ADGRG3: variants seen among roughly 807,000 people sequenced by gnomAD.
ADGRG3 encodes the protein G protein-coupled receptor 97.
In ADGRG3, 39 loss-of-function variants were observed where a neutral mutation model predicts 54.3. The observed-to-expected ratio is 0.72, with a 90% CI of 0.56 to 0.94. The LOEUF (loss-of-function observed/expected upper bound fraction) is 0.94, where lower values mean the gene tolerates loss of function less well. Among genes scored for constraint, ADGRG3 ranks in the 40% least tolerant of loss-of-function variants. The pLI is 0.00. For synonymous variants in ADGRG3, 312 were observed against 290.0 expected, an observed-to-expected ratio of 1.08 and a Z score of -0.77; for missense variants, 654 against 694.6, an observed-to-expected ratio of 0.94 and a Z score of 0.66.
chr16:57,688,032 G>T (rs2048507226), intron 11 of ADGRG3, among the ~76,000 whole-genome samples: 1 of 152,152 alleles, frequency 6.6e-6, no homozygotes, highest in South Asian at 2.1e-4. Context: ...TTGCTGGAGT[G>T]CCTCCCATAA....
intron 8 of ADGRG3, among the ~76,000 whole-genome samples, chr16:57,681,970 C>G (rs80137041): frequency 0.019 from 2,825 of 152,298 alleles, 137 homozygotes; most frequent in East Asian, 0.18. Flanking sequence ...ACTGGTCTAA[C>G]TTGGACCATG....
chr16:57,672,507 CT>C (rs1443434577), intron 1 of ADGRG3, among the ~76,000 whole-genome samples: 2 of 152,180 alleles, frequency 1.3e-5, no homozygotes, highest in Non-Finnish European at 2.9e-5. Context: ...TATGTATGTC[CT>C]TTATCTCTAA....
At chr16:57,685,518 C>A in intron 10 of ADGRG3, 125 bp from the exon 11 acceptor site, 1 of 907,002 alleles carries the variant, frequency 1.1e-6, no homozygotes, top group South Asian at 1.5e-5. Context: ...GCGGGAGAGC[C>A]AGGGATTGAT....
chr16:57,680,710 G>T, intron 8 of ADGRG3, 93 bp downstream of exon 8: 1 of 842,128 alleles, frequency 1.2e-6, no homozygotes, highest in South Asian at 1.4e-5. Flanking sequence ...TGCAGCCTCT[G>T]ACCGTTGTCC....
chr16:57,674,004 A>G (rs2048212631), intron 2 of ADGRG3, among the ~76,000 whole-genome samples: 1 of 152,194 alleles, frequency 6.6e-6, no homozygotes, highest in Non-Finnish European at 1.5e-5. Flanking sequence ...ATAGGACTGG[A>G]AATATAAGCA....
rs1478330115 is a variant in ADGRG3 at position 57,688,352 on chromosome 16, G to C, written c.1541G>C (p.Gly514Ala). Residue 514 changes from glycine (G) to alanine (A), a missense_variant and splice_region_variant, in exon 12 of 12, where the codon GGT becomes GCT. Transcript: ENST00000333493. ...YIFALFNSLQ[G>A]VFICCWFTIL... Reference sequence around the variant, plus strand: ...CACCGAGGCCTCTCCTTCCTAACAGGTGTCTTCATCTGCTGCTGGTTCACC... The same window carrying C: ...CACCGAGGCCTCTCCTTCCTAACAGCTGTCTTCATCTGCTGCTGGTTCACC... 1 of 1,601,948 alleles carries C rather than the reference G, an allele frequency of 6.2e-7. No homozygotes were observed. Among genetic ancestry groups the C allele is most frequent in the East Asian group, 2.2e-5 (1 of 44,816 alleles).
At chr16:57,675,401 G>A (rs1253783060) in intron 2 of ADGRG3, among the ~76,000 whole-genome samples, 1 of 152,162 alleles carries the variant, frequency 6.6e-6, no homozygotes, top group Non-Finnish European at 1.5e-5. Context: ...GAGGCAAGCG[G>A]ATCGCTTGAG....
At chr16:57,687,550 C>A (rs991807251) in intron 11 of ADGRG3, among the ~76,000 whole-genome samples, 1 of 152,176 alleles carries the variant, frequency 6.6e-6, no homozygotes, top group Non-Finnish European at 1.5e-5. Flanking sequence ...CTGTGCCTGG[C>A]CTGCCAGATT....
At chr16:57,678,122 G>T in intron 3 of ADGRG3, 48 bp from the exon 4 acceptor site, 3 of 1,599,484 alleles carry the variant, frequency 1.9e-6, no homozygotes, top group Non-Finnish European at 2.6e-6. Context: ...GGCAGGACTC[G>T]TGTTGGGGGG....
At chr16:57,670,654 G>A (rs1339074711) in intron 1 of ADGRG3, among the ~76,000 whole-genome samples, 2 of 151,904 alleles carry the variant, frequency 1.3e-5, no homozygotes, top group East Asian at 1.9e-4. Context: ...ATTAAACAAT[G>A]CATCATAAAT....
chr16:57,687,526 A>G (rs1455633342), intron 11 of ADGRG3, among the ~76,000 whole-genome samples: 2 of 152,016 alleles, frequency 1.3e-5, no homozygotes, highest in Non-Finnish European at 2.9e-5. Context: ...TGCTGGGATT[A>G]CAGGCGTGAG....
At chr16:57,669,430 G>A (rs1366721394) in intron 1 of ADGRG3, among the ~76,000 whole-genome samples, 2 of 152,214 alleles carry the variant, frequency 1.3e-5, no homozygotes, top group African/African-American at 4.8e-5. Flanking sequence ...CCACCAGGCA[G>A]CCCTTGATAG....
chr16:57,679,389 A>G (rs1344924220), intron 5 of ADGRG3, 78 bp downstream of exon 5: 1 of 1,467,486 alleles, frequency 6.8e-7, no homozygotes, highest in Admixed American at 1.7e-5. Context: ...TGGGCCCTGC[A>G]TGGGACACTA....
At chr16:57,682,378 C>G (rs2048389968) in intron 8 of ADGRG3, 2 of 583,444 alleles carry the variant, frequency 3.4e-6, no homozygotes, top group South Asian at 1.5e-4. Flanking sequence ...CTCCACGTGC[C>G]TCTGTGTCAG....
intron 2 of ADGRG3, among the ~76,000 whole-genome samples, chr16:57,673,942 T>C (rs908638477): frequency 6.6e-6 from 1 of 152,022 alleles, no homozygotes. Context: ...ACTGTAACAA[T>C]GTAAACCGCG....
chr16:57,682,534 C>T, intron 8 of ADGRG3: 1 of 985,432 alleles, frequency 1.0e-6, no homozygotes, highest in Non-Finnish European at 1.2e-6. Flanking sequence ...GTGTGACTTG[C>T]CAGCTGGCCG....
intron 3 of ADGRG3, among the ~76,000 whole-genome samples, chr16:57,677,088 C>A (rs182904279): frequency 2.0e-5 from 3 of 152,184 alleles, no homozygotes; most frequent in Non-Finnish European, 4.4e-5. Flanking sequence ...GCAGCTGAGC[C>A]CTCTGCAGGG....
intron 1 of ADGRG3, among the ~76,000 whole-genome samples, chr16:57,672,496 C>A (rs2048180713): frequency 6.6e-6 from 1 of 152,320 alleles, no homozygotes; most frequent in South Asian, 2.1e-4. Flanking sequence ...CTACAATGAG[C>A]TATGTATGTC....
intron 8 of ADGRG3, chr16:57,682,577 G>T (rs923394978): frequency 2.1e-5 from 21 of 985,336 alleles, no homozygotes; most frequent in Non-Finnish European, 2.4e-5. Context: ...GGCTTGGAGC[G>T]CCAGGAGAAA....
Sources: gnomAD v4.1 joint callset for allele counts (sites outside exome capture counted in the v4.1 genomes callset) on GRCh38, gnomAD v4.1.1 for gene constraint, MANE v1.5 for transcripts, NCBI Gene and HGNC (gene_info 2026-07-23, HGNC 2026-07-21) for gene names.